Variants in SEPTIN14 observed in about 807,000 individuals in gnomAD.
SEPTIN14 encodes septin-14.
SEPTIN14 carries 40 observed loss-of-function variants against 53.6 expected under a neutral mutation model. That is an observed-to-expected ratio of 0.75 (90% CI 0.58 to 0.97). The LOEUF (loss-of-function observed/expected upper bound fraction) is 0.97, where lower values mean the gene tolerates loss of function less well. SEPTIN14 is among the 50% of genes least tolerant of loss of function. SEPTIN14 has a pLI of 0.00. For missense variants in SEPTIN14, 471 were observed against 508.2 expected, an observed-to-expected ratio of 0.93 and a Z score of 0.70; for synonymous variants, 138 against 166.8, an observed-to-expected ratio of 0.83 and a Z score of 1.33.
chr7:55,805,511 G>A, intron 8 of SEPTIN14, 121 bp from the exon 9 acceptor site: 1 of 622,308 alleles, frequency 1.6e-6, no homozygotes, highest in East Asian at 3.2e-5. Flanking sequence ...GGGAGACAGA[G>A]TAAGACTCCA....
At chr7:55,841,057 G>A (rs560724800) in intron 5 of SEPTIN14, among the ~76,000 whole-genome samples, 12 of 152,130 alleles carry the variant, frequency 7.9e-5, no homozygotes, top group African/African-American at 2.4e-4. Flanking sequence ...CTGCTACAAC[G>A]CCCAGCTAAT....
intron 2 of SEPTIN14, among the ~76,000 whole-genome samples, chr7:55,857,662 A>G (rs1789665003): frequency 8.0e-6 from 1 of 125,520 alleles, no homozygotes; most frequent in African/African-American, 3.1e-5. Flanking sequence ...ATCTCGGCTC[A>G]CTGCAAGCTC....
chr7:55,795,715 G>A lies in SEPTIN14; in HGVS notation c.*198C>T, dbSNP rs1444435372. On this transcript the variant is annotated 3_prime_UTR_variant, in exon 10 of 10. Transcript: ENST00000388975. ...ACTCCTGACCTCAGGTGGTCCACCC[G>A]CCTCAGCCTCCCAAAGTGCTGGGAT... 34 of 557,122 alleles carry A rather than the reference G, an allele frequency of 6.1e-5. 1 individual carries two copies. Among genetic ancestry groups the A allele is most frequent in the African/African-American group, 9.5e-5 (5 of 52,566 alleles). The allele number at this position is 557,122 out of a possible 1,614,324, so 34.5% of individuals were successfully genotyped here. A position where few individuals can be genotyped will look rare whatever the true frequency, so the allele number is the denominator to read the frequency against.
At chr7:55,837,594 T>C (rs1789234306) in intron 5 of SEPTIN14, among the ~76,000 whole-genome samples, 1 of 152,128 alleles carries the variant, frequency 6.6e-6, no homozygotes, top group African/African-American at 2.4e-5. Context: ...ATTTATTTTT[T>C]TTTTTGGAGA....
chr7:55,805,421 T>G, intron 8 of SEPTIN14, 31 bp from the exon 9 acceptor site: 2 of 1,494,344 alleles, frequency 1.3e-6, no homozygotes, highest in Non-Finnish European at 1.8e-6. Context: ...AGTCTTATAT[T>G]AAAATGAGGT....
chr7:55,842,845 G>A (rs756651169), intron 5 of SEPTIN14, 97 bp downstream of exon 5: 18 of 654,798 alleles, frequency 2.7e-5, no homozygotes, highest in Admixed American at 3.8e-5. Context: ...CCTGGGAGGC[G>A]GAGCTTGCGG....
intron 7 of SEPTIN14, chr7:55,810,706 T>G (rs1788684869): frequency 6.3e-6 from 1 of 158,036 alleles, no homozygotes; most frequent in African/African-American, 2.4e-5. Context: ...CTGAAACTCC[T>G]GACCTCAGGT....
intron 5 of SEPTIN14, among the ~76,000 whole-genome samples, chr7:55,839,897 C>A (rs1789277887): frequency 6.6e-6 from 1 of 152,152 alleles, no homozygotes; most frequent in African/African-American, 2.4e-5. Flanking sequence ...GTAATCCCAG[C>A]ACTTTGGGAG....
chr7:55,799,089 A>G lies in SEPTIN14; in HGVS notation c.1120-2997T>C, dbSNP rs142263588. On this transcript the variant is annotated intron_variant, in intron 9 of 9. Coordinates refer to ENST00000388975, the MANE Select transcript of SEPTIN14 (RefSeq NM_207366.3). ...TAAAAATTACTTTAAAAGTAAATAG[A>G]TTAAGCCCACTAATCACAAGACACA... Among the ~76,000 whole-genome samples, 598 of 152,300 alleles carry G rather than the reference A, an allele frequency of 3.9e-3. 5 individuals are homozygous for G. The highest frequency in any genetic ancestry group is 0.013 in the African/African-American group (556 of 41,582).
rs578234216 is a variant in SEPTIN14, at chr7:55,829,243, G to A, written c.720+5182C>T. On this transcript the variant is annotated intron_variant, in intron 6 of 9. Transcript: ENST00000388975. ...AAATACAAAAAATCAGCTGTGCATG[G>A]TGGCAGGTGCTTGTAATCTCAGCTA... Among the ~76,000 whole-genome samples the A allele has an allele frequency of 1.4e-4, 21 of 151,924 alleles. No individual in the cohort carries two copies. The South Asian group carries it at 4.4e-3, about 32-fold the overall frequency.
At chr7:55,862,071 A>G (rs1289526057) in intron 1 of SEPTIN14, 60 bp from the exon 2 acceptor site, 3 of 1,044,086 alleles carry the variant, frequency 2.9e-6, no homozygotes, top group Admixed American at 2.8e-5. Context: ...TATTCTTACT[A>G]TATAATTTAG....
At chr7:55,810,568 G>A (rs1410891103) in intron 7 of SEPTIN14, among the ~76,000 whole-genome samples, 3 of 146,940 alleles carry the variant, frequency 2.0e-5, no homozygotes, top group African/African-American at 5.1e-5. Context: ...TCTGCCTCCC[G>A]GGTTTAAGCA....
chr7:55,805,497 G>A (rs1382891608), intron 8 of SEPTIN14, 107 bp from the exon 9 acceptor site: 11 of 722,028 alleles, frequency 1.5e-5, no homozygotes, highest in Middle Eastern at 7.5e-4. Flanking sequence ...CTGCACGTCA[G>A]CCTGGGAGAC....
intron 9 of SEPTIN14, among the ~76,000 whole-genome samples, chr7:55,804,161 T>C (rs965503495): frequency 8.1e-6 from 1 of 122,726 alleles, no homozygotes; most frequent in African/African-American, 3.4e-5. Context: ...AAAAAAAAAG[T>C]CTTCATGAGA....
chr7:55,797,345 A>G (rs1788448117), intron 9 of SEPTIN14, among the ~76,000 whole-genome samples: 1 of 152,228 alleles, frequency 6.6e-6, no homozygotes, highest in Non-Finnish European at 1.5e-5. Flanking sequence ...ATAGATACTC[A>G]CCAAGTCACA....
At chr7:55,824,220 A>G (rs1788946566) in intron 6 of SEPTIN14, among the ~76,000 whole-genome samples, 1 of 152,190 alleles carries the variant, frequency 6.6e-6, no homozygotes, top group African/African-American at 2.4e-5. Context: ...ACTGAGAGAA[A>G]ATCTTTGCAA....
At chr7:55,853,029 C>T (rs1035637734) in intron 2 of SEPTIN14, among the ~76,000 whole-genome samples, 3 of 152,120 alleles carry the variant, frequency 2.0e-5, no homozygotes, top group Non-Finnish European at 4.4e-5. Context: ...ACCCAAAAGA[C>T]TGGCAATAAC....
At position 55,799,946 on chromosome 7, in the gene SEPTIN14, G is replaced by T. The variant is rs951608443; in HGVS notation, c.1120-3854C>A. On this transcript the variant is annotated intron_variant, in intron 9 of 9. Coordinates refer to ENST00000388975, the MANE Select transcript of SEPTIN14 (RefSeq NM_207366.3). ...AGTAGAAGAATACATTCTTCTCAAG[G>T]GCACAGGAACATTCTCCAACATAGA... Among the ~76,000 whole-genome samples, 5 of 152,026 alleles carry T rather than the reference G, an allele frequency of 3.3e-5. No homozygotes were observed. In the South Asian group the frequency reaches 1.0e-3, roughly 32 times the overall value.
chr7:55,823,828 C>A lies in SEPTIN14; in HGVS notation c.721-4605G>T, dbSNP rs569818371. 1.2e-4 allele frequency among the ~76,000 whole-genome samples: 18 copies of A among 152,136 alleles called. No homozygotes were observed. In the South Asian group the frequency reaches 2.7e-3, roughly 23 times the overall value. On this transcript the variant is annotated intron_variant, in intron 6 of 9. Transcript: ENST00000388975. The stretch of plus-strand genomic sequence containing the variant: ...TGCAAGCTGCCTGTTGCCTCCCTAG[C>A]AATGTATTTTCCTACTTTCTGTAAT...
Sources: allele counts gnomAD v4.1 joint callset (sites outside exome capture counted in the v4.1 genomes callset), GRCh38; gene constraint gnomAD v4.1.1; transcripts MANE v1.5; gene names NCBI Gene and HGNC (gene_info 2026-07-23, HGNC 2026-07-21).